Variants in IL19 observed in about 807,000 individuals in gnomAD.
IL19 encodes interleukin 19.
Under a neutral mutation model 19.5 loss-of-function variants are expected in IL19, and 15 were observed. That is an observed-to-expected ratio of 0.77 (90% confidence interval 0.52 to 1.19). The LOEUF is 1.19. Ranked by LOEUF, IL19 falls within the 50% of genes most tolerant of loss-of-function variation. The probability of loss-of-function intolerance (pLI) is 0.00; values close to 1 mark genes in which losing one functional copy is unlikely to be tolerated. For synonymous variants in IL19, 78 were observed against 78.3 expected, an observed-to-expected ratio of 1.00 and a Z score of 0.02; for missense variants, 199 against 213.1, an observed-to-expected ratio of 0.93 and a Z score of 0.41.
intron 1 of IL19, among the ~76,000 whole-genome samples, chr1:206,795,618 C>T (rs958459784): frequency 1.3e-5 from 2 of 152,298 alleles, no homozygotes; most frequent in East Asian, 1.9e-4. Flanking sequence ...TACCTTCTTC[C>T]TCATTCTATG....
In IL19 at chr1:206,818,780, T is replaced by TTTTC. The variant is rs762883906; in HGVS notation, c.-2-17861_-2-17858dup. ...ATCTTACTTAGGTTTAGAGTTTGTA[T>TTTTC]TTTCTTTCTTTCTTTCTTTCTTTTT... On this transcript the variant is annotated intron_variant, in intron 2 of 6. Transcript: ENST00000659997. 5.0e-4 allele frequency among the ~76,000 whole-genome samples: 76 copies of TTTTC among 151,760 alleles called. No homozygotes were observed. The East Asian group carries it at 8.1e-3, about 16-fold the overall frequency.
intron 1 of IL19, chr1:206,771,546 G>C (rs1674842932): frequency 1.3e-6 from 1 of 761,058 alleles, no homozygotes. Flanking sequence ...AAAATCAAAA[G>C]GGGAGTTTTA....
At chr1:206,830,029 G>A (rs12022129) in intron 2 of IL19, among the ~76,000 whole-genome samples, 108,665 of 152,070 alleles carry the variant, frequency 0.71, 39,522 homozygotes, top group Non-Finnish European at 0.79. Flanking sequence ...AGCATGGCTT[G>A]GGAGAGTTAT....
At chr1:206,784,739 AAAG>A (rs748593071) in intron 1 of IL19, among the ~76,000 whole-genome samples, 3 of 152,234 alleles carry the variant, frequency 2.0e-5, no homozygotes, top group Admixed American at 6.5e-5. Context: ...TTCAGGGAGA[AAAG>A]AAGATTACTG....
At chr1:206,813,136 G>A (rs1377785174) in intron 2 of IL19, among the ~76,000 whole-genome samples, 1 of 152,206 alleles carries the variant, frequency 6.6e-6, no homozygotes, top group African/African-American at 2.4e-5. Context: ...ATCAGTTATT[G>A]CCTCTCAGTT....
chr1:206,776,424 T>TGG (rs900495221), intron 1 of IL19, among the ~76,000 whole-genome samples: 17 of 143,136 alleles, frequency 1.2e-4, no homozygotes, highest in African/African-American at 1.8e-4. Context: ...CAAGAACTGC[T>TGG]GGGGTGTGTG....
chr1:206,779,876 A>T (rs1675092215), intron 1 of IL19, among the ~76,000 whole-genome samples: 1 of 148,954 alleles, frequency 6.7e-6, no homozygotes, highest in African/African-American at 2.5e-5. Flanking sequence ...TTTTAAAGAG[A>T]CAGGGTCTTG....
intron 2 of IL19, among the ~76,000 whole-genome samples, chr1:206,830,322 C>T (rs1381774220): frequency 6.6e-6 from 1 of 151,762 alleles, no homozygotes; most frequent in African/African-American, 2.4e-5. Context: ...GAGAGCCAAC[C>T]CCACTGAAAA....
intron 2 of IL19, among the ~76,000 whole-genome samples, chr1:206,815,548 CT>C (rs1189952100): frequency 6.6e-6 from 1 of 152,048 alleles, no homozygotes; most frequent in African/African-American, 2.4e-5. Flanking sequence ...AAAAATATTC[CT>C]TTTTTTACTA....
chr1:206,834,128 A>C (rs1676704277), intron 2 of IL19: 2 of 985,356 alleles, frequency 2.0e-6, no homozygotes, highest in South Asian at 9.4e-5. Flanking sequence ...TGGGGAGTTT[A>C]TTTTTCCTAG....
chr1:206,807,789 G>T (rs1675887098), intron 2 of IL19, among the ~76,000 whole-genome samples: 1 of 152,064 alleles, frequency 6.6e-6, no homozygotes, highest in Admixed American at 6.5e-5. Context: ...ACAAAGAAAT[G>T]GTGTGCAATT....
At chr1:206,796,996 C>T (rs987663079) in intron 1 of IL19, among the ~76,000 whole-genome samples, 2 of 152,172 alleles carry the variant, frequency 1.3e-5, no homozygotes, top group Admixed American at 6.5e-5. Flanking sequence ...GCTCGAAAAC[C>T]GGATCACAAA....
chr1:206,802,828 T>C (rs1675749050), intron 2 of IL19, among the ~76,000 whole-genome samples: 1 of 152,192 alleles, frequency 6.6e-6, no homozygotes, highest in Non-Finnish European at 1.5e-5. Flanking sequence ...CAAGGCTAAC[T>C]GCTAGCCTTA....
At chr1:206,841,989 T>A (rs1194017569) in intron 6 of IL19, among the ~76,000 whole-genome samples, 1 of 152,174 alleles carries the variant, frequency 6.6e-6, no homozygotes, top group African/African-American at 2.4e-5. Context: ...CTCAGTCTGC[T>A]GAGGAAGGAG....
At chr1:206,787,359 G>T (rs1158598329) in intron 1 of IL19, among the ~76,000 whole-genome samples, 6 of 152,218 alleles carry the variant, frequency 3.9e-5, no homozygotes, top group African/African-American at 1.4e-4. Context: ...AGATGTCTTT[G>T]CCTGCATGGA....
intron 2 of IL19, among the ~76,000 whole-genome samples, chr1:206,804,119 A>G (rs1367022573): frequency 2.6e-5 from 4 of 152,210 alleles, no homozygotes; most frequent in African/African-American, 9.7e-5. Context: ...AGTACAGGGA[A>G]AGATGTAGCT....
At chr1:206,823,253 T>C (rs76577247) in intron 2 of IL19, among the ~76,000 whole-genome samples, 7,044 of 152,042 alleles carry the variant, frequency 0.046, 566 homozygotes, top group African/African-American at 0.16. Flanking sequence ...GTGATCCAAG[T>C]TAGAAAAGAC....
chr1:206,816,152 T>A (rs1002537427), intron 2 of IL19, among the ~76,000 whole-genome samples: 1 of 152,002 alleles, frequency 6.6e-6, no homozygotes. Context: ...GTTGAAAAAA[T>A]GCATTGCCAG....
intron 1 of IL19, among the ~76,000 whole-genome samples, chr1:206,791,286 C>T (rs1675395984): frequency 1.3e-5 from 2 of 148,632 alleles, no homozygotes; most frequent in Admixed American, 1.4e-4. Flanking sequence ...CTGGGTATGA[C>T]CAGGAGGTCC....
Sources: gnomAD v4.1 joint callset for allele counts (sites outside exome capture counted in the v4.1 genomes callset) on GRCh38, gnomAD v4.1.1 for gene constraint, MANE v1.5 for transcripts, NCBI Gene and HGNC (gene_info 2026-07-23, HGNC 2026-07-21) for gene names.